CTNND2: variants seen among roughly 807,000 people sequenced by gnomAD.
The protein encoded by CTNND2 is catenin delta 2, also known as catenin delta-2.
Under a neutral mutation model 144.4 loss-of-function variants are expected in CTNND2, and 22 were observed. That is an observed-to-expected ratio of 0.15 (90% CI 0.11 to 0.22). The LOEUF (loss-of-function observed/expected upper bound fraction) is 0.22. CTNND2 is among the 10% of genes least tolerant of loss of function. CTNND2 has a pLI of 1.00. For synonymous variants in CTNND2, 751 were observed against 695.6 expected (o/e 1.08, Z -1.25); for missense variants, 1,353 against 1,618.8 (o/e 0.84, Z 2.82).
intron 2 of CTNND2, among the ~76,000 whole-genome samples, chr5:11,616,617 C>CT (rs35888208): frequency 0.026 from 3,767 of 143,260 alleles, 85 homozygotes; most frequent in Middle Eastern, 0.089. Context: ...TTCCTTCCTT[C>CT]TTTTTTTTTT....
intron 3 of CTNND2, among the ~76,000 whole-genome samples, chr5:11,513,627 G>A (rs1581382776): frequency 6.6e-6 from 1 of 152,162 alleles, no homozygotes; most frequent in African/African-American, 2.4e-5. Flanking sequence ...AGATCCCTAA[G>A]TATGTATTGA....
At chr5:11,782,087 C>T (rs1242070512) in intron 1 of CTNND2, among the ~76,000 whole-genome samples, 1 of 152,140 alleles carries the variant, frequency 6.6e-6, no homozygotes, top group African/African-American at 2.4e-5. Context: ...GATGTTTGTA[C>T]AAAGGGCAGT....
At chr5:11,111,886 G>A (rs932254158) in intron 13 of CTNND2, among the ~76,000 whole-genome samples, 3 of 147,506 alleles carry the variant, frequency 2.0e-5, no homozygotes, top group Non-Finnish European at 3.0e-5. Context: ...TCGCTTTGTC[G>A]CCCAGGCTGG....
chr5:11,302,461 T>A (rs1396454661), intron 9 of CTNND2, among the ~76,000 whole-genome samples: 1 of 152,118 alleles, frequency 6.6e-6, no homozygotes, highest in African/African-American at 2.4e-5. Flanking sequence ...CTGTTCCTTG[T>A]GCTACTTCCT....
intron 3 of CTNND2, among the ~76,000 whole-genome samples, chr5:11,522,090 C>T (rs1224116879): frequency 6.6e-6 from 1 of 152,196 alleles, no homozygotes; most frequent in Non-Finnish European, 1.5e-5. Context: ...ATTCTGTGGA[C>T]ACACAGCGTG....
chr5:11,839,355 G>A (rs1021048842), intron 1 of CTNND2, among the ~76,000 whole-genome samples: 4 of 151,974 alleles, frequency 2.6e-5, no homozygotes, highest in African/African-American at 9.7e-5. Flanking sequence ...ATCAAACTTA[G>A]GTTCATCCTG....
At chr5:11,671,448 C>T (rs1325154569) in intron 2 of CTNND2, among the ~76,000 whole-genome samples, 1 of 152,048 alleles carries the variant, frequency 6.6e-6, no homozygotes, top group Non-Finnish European at 1.5e-5. Flanking sequence ...CACATAGTCT[C>T]CTATTTCTTG....
chr5:11,685,719 A>C (rs1265673369), intron 2 of CTNND2, among the ~76,000 whole-genome samples: 4 of 152,218 alleles, frequency 2.6e-5, no homozygotes, highest in Non-Finnish European at 5.9e-5. Context: ...ATTGCAATTT[A>C]ATGAATACTT....
At chr5:11,408,265 T>C (rs1761246838) in intron 5 of CTNND2, among the ~76,000 whole-genome samples, 1 of 152,118 alleles carries the variant, frequency 6.6e-6, no homozygotes, top group Non-Finnish European at 1.5e-5. Flanking sequence ...CTAATATATA[T>C]ACACAGAGCA....
intron 1 of CTNND2, among the ~76,000 whole-genome samples, chr5:11,733,137 C>A (rs2126744721): frequency 6.6e-6 from 1 of 152,224 alleles, no homozygotes; most frequent in South Asian, 2.1e-4. Context: ...TCCCTGAGTT[C>A]TCTGAGCTGC....
chr5:11,387,462 AGGCAAATGCTGTTGCTCT>A (rs1238659464), intron 6 of CTNND2, among the ~76,000 whole-genome samples: 2 of 152,126 alleles, frequency 1.3e-5, no homozygotes, highest in Admixed American at 1.3e-4. Context: ...CTCCCAGAGC[AGGCAAATGCTGTTGCTCT>A]GAGAACTACC....
chr5:11,341,150 G>A (rs534187113), intron 9 of CTNND2, among the ~76,000 whole-genome samples: 2 of 152,310 alleles, frequency 1.3e-5, no homozygotes, highest in Non-Finnish European at 2.9e-5. Context: ...ACAGGGGCAG[G>A]AGCCTTGGGC....
intron 3 of CTNND2, among the ~76,000 whole-genome samples, chr5:11,492,370 G>C (rs1426830623): frequency 6.6e-6 from 1 of 152,104 alleles, no homozygotes; most frequent in Admixed American, 6.5e-5. Context: ...TCAGTAGTGT[G>C]GGTGTGTCTT....
At chr5:11,320,129 A>G (rs1251020447) in intron 9 of CTNND2, among the ~76,000 whole-genome samples, 1 of 152,222 alleles carries the variant, frequency 6.6e-6, no homozygotes, top group Non-Finnish European at 1.5e-5. Context: ...ATTGCATTCA[A>G]CTGGCATAGT....
intron 2 of CTNND2, among the ~76,000 whole-genome samples, chr5:11,632,659 T>C (rs1336216307): frequency 1.3e-5 from 2 of 152,076 alleles, no homozygotes; most frequent in African/African-American, 2.4e-5. Context: ...GGAGCCTAGA[T>C]GGTAGATTTA....
At chr5:11,194,555 G>A (rs1736665808) in intron 11 of CTNND2, among the ~76,000 whole-genome samples, 1 of 152,130 alleles carries the variant, frequency 6.6e-6, no homozygotes, top group Non-Finnish European at 1.5e-5. Flanking sequence ...TCGCCCTGAA[G>A]TGAAGCTTCA....
chr5:11,007,929 A>G (rs1740659666), intron 18 of CTNND2, among the ~76,000 whole-genome samples: 1 of 152,186 alleles, frequency 6.6e-6, no homozygotes, highest in Non-Finnish European at 1.5e-5. Context: ...TGGCCACTTG[A>G]TTAAGAACTG....
intron 1 of CTNND2, among the ~76,000 whole-genome samples, chr5:11,789,831 A>G (rs960056733): frequency 2.0e-5 from 3 of 152,202 alleles, no homozygotes; most frequent in Non-Finnish European, 4.4e-5. Context: ...CACTGAATAT[A>G]ATATTCTGAT....
chr5:11,589,125 C>G (rs1360609932), intron 2 of CTNND2: 1 of 728,202 alleles, frequency 1.4e-6, no homozygotes, highest in African/African-American at 1.9e-5. Flanking sequence ...GTCTCCATGG[C>G]AACAGTGAAT....
Sources: gnomAD v4.1 joint callset for allele counts (sites outside exome capture counted in the v4.1 genomes callset) on GRCh38, gnomAD v4.1.1 for gene constraint, MANE v1.5 for transcripts, NCBI Gene and HGNC (gene_info 2026-07-23, HGNC 2026-07-21) for gene names.